SGTA: variants seen among roughly 807,000 people sequenced by gnomAD.
The protein encoded by SGTA is small glutamine rich tetratricopeptide repeat co-chaperone alpha.
Under a neutral mutation model 44.3 loss-of-function variants are expected in SGTA, and 22 were observed. That is an observed-to-expected ratio of 0.50 (90% CI 0.36 to 0.71). The LOEUF (loss-of-function observed/expected upper bound fraction) is 0.71, where lower values mean the gene tolerates loss of function less well. SGTA is among the 30% of genes least tolerant of loss of function. The probability of loss-of-function intolerance (pLI) is 0.00; values close to 1 mark genes in which losing one functional copy is unlikely to be tolerated. For missense variants in SGTA, 341 were observed against 435.9 expected, an observed-to-expected ratio of 0.78 and a Z score of 1.94; for synonymous variants, 174 against 177.6, an observed-to-expected ratio of 0.98 and a Z score of 0.16.
rs114095572 is a variant in SGTA, at chr19:2,758,545, G to C, written c.737+712C>G. Among the ~76,000 whole-genome samples the C allele has an allele frequency of 8.0e-3, 1,208 of 151,386 alleles. 16 individuals are homozygous for C. Among genetic ancestry groups the C allele is most frequent in the African/African-American group, 0.028 (1,147 of 41,266 alleles). On this transcript the variant is annotated intron_variant, in intron 9 of 11. Transcript: ENST00000221566. ...AAAAAAAAAAGGAGAAAGAAAAAAA[G>C]ATTTCACCATGAAAACAGGTGAGCA...
At chr19:2,768,915 C>T (rs1042429659) in intron 2 of SGTA, 54 bp downstream of exon 2, 6 of 1,339,062 alleles carry the variant, frequency 4.5e-6, no homozygotes, top group African/African-American at 2.9e-5. Flanking sequence ...CTACACGAGG[C>T]GACTGTGCTG....
Position 2,755,492 on chromosome 19 carries a change from G to C in SGTA, c.*448C>G, listed in dbSNP as rs552751101. 1 of 987,146 alleles carries C rather than the reference G, an allele frequency of 1.0e-6. No individual in the cohort carries two copies. Among genetic ancestry groups the C allele is most frequent in the Non-Finnish European group, 1.2e-6 (1 of 830,112 alleles). 61.1% of individuals were successfully genotyped at this position (987,146 alleles called of 1,614,324 possible). Reference sequence around the variant, plus strand: ...GCCGGGGTGGCCGGGAGGTCGACTCGGAAAGAGGCTTCTCACAGACGGGAG... The same window carrying C: ...GCCGGGGTGGCCGGGAGGTCGACTCCGAAAGAGGCTTCTCACAGACGGGAG... On this transcript the variant is annotated 3_prime_UTR_variant, in exon 12 of 12. Transcript: ENST00000221566. The surrounding 1 kb of genome is among the most constrained non-coding windows in gnomAD (Gnocchi z 5.2).
intron 1 of SGTA, among the ~76,000 whole-genome samples, chr19:2,774,483 T>A (rs756425959): frequency 4.6e-5 from 7 of 152,144 alleles, no homozygotes; most frequent in Non-Finnish European, 1.0e-4. Context: ...TCTATGCAAA[T>A]GTCCATTTTA....
At chr19:2,756,184 G>A (rs767111590) in intron 11 of SGTA, among the ~76,000 whole-genome samples, 7 of 151,800 alleles carry the variant, frequency 4.6e-5, no homozygotes, top group Non-Finnish European at 7.4e-5. Flanking sequence ...ATGAGGTTAC[G>A]GTGGTAAAAA....
chr19:2,775,685 G>C (rs1915430399), intron 1 of SGTA, among the ~76,000 whole-genome samples: 1 of 152,200 alleles, frequency 6.6e-6, no homozygotes, highest in Non-Finnish European at 1.5e-5. Context: ...CTTGGGGAGG[G>C]GAAGGGGAGT....
At chr19:2,782,805 G>C (rs1915601607) in intron 1 of SGTA, 1 of 152,176 alleles carries the variant, frequency 6.6e-6, no homozygotes, top group Admixed American at 6.5e-5. Context: ...AAGCCAAGAG[G>C]CTGGGCAAGG....
In SGTA at chr19:2,767,330, G is replaced by A. The variant is rs959046899; in HGVS notation, c.208-110C>T. The A allele has an allele frequency of 4.8e-5, 42 of 874,004 alleles. No individual in the cohort carries two copies. Among genetic ancestry groups the A allele is most frequent in the South Asian group, 9.6e-5 (6 of 62,688 alleles). The allele number at this position is 874,004 out of a possible 1,614,324, so 54.1% of individuals were successfully genotyped here. On this transcript the variant is annotated intron_variant, in intron 3 of 11. Coordinates refer to ENST00000221566, the MANE Select transcript of SGTA (RefSeq NM_003021.4). The surrounding 1 kb of genome is among the most constrained non-coding windows in gnomAD (Gnocchi z 7.3). ...AGGGCCACCAAGTTCCGAAGGACCC[G>A]GGGGCTCTGCAGGGGACTCCTGGCC...
chr19:2,771,447 G>A (rs887699218), intron 1 of SGTA, among the ~76,000 whole-genome samples: 15 of 151,962 alleles, frequency 9.9e-5, no homozygotes, highest in African/African-American at 3.4e-4. Context: ...ATGATTCCTC[G>A]TGGTGAGTCT....
intron 1 of SGTA, among the ~76,000 whole-genome samples, chr19:2,778,497 G>C (rs1357911834): frequency 1.3e-5 from 2 of 149,660 alleles, no homozygotes; most frequent in East Asian, 4.1e-4. Flanking sequence ...CTGGAACACC[G>C]CCCCCCCCGG....
At position 2,768,349 on chromosome 19, in the gene SGTA, T is replaced by C. The variant is rs563128793; in HGVS notation, c.100+620A>G. Among the ~76,000 whole-genome samples the C allele has an allele frequency of 4.6e-5, 7 of 152,276 alleles. No homozygotes were observed. In the South Asian group the frequency reaches 1.2e-3, roughly 27 times the overall value. On this transcript the variant is annotated intron_variant, in intron 2 of 11. Transcript: ENST00000221566. ...GTGTCAAGGACCCCGGGCACATCCC[T>C]ACAGCTGTCACTGGGTGTCCATGCT...
At chr19:2,775,181 ACT>A (rs1915416854) in intron 1 of SGTA, among the ~76,000 whole-genome samples, 1 of 152,194 alleles carries the variant, frequency 6.6e-6, no homozygotes, top group Non-Finnish European at 1.5e-5. Context: ...GGAGGTGTTC[ACT>A]CAAGGCCACT....
rs1568310117 is a variant in SGTA at position 2,767,182 on chromosome 19, C to CGG, written c.244_245dup (p.Pro83ArgfsTer21). 6.2e-7 allele frequency: 1 copy of CGG among 1,612,678 alleles called. No homozygotes were observed. The highest frequency in any genetic ancestry group is 1.3e-5 in the African/African-American group (1 of 75,014). On this transcript the variant is annotated frameshift_variant, in exon 4 of 12. Coordinates refer to ENST00000221566, the MANE Select transcript of SGTA (RefSeq NM_003021.4). LOFTEE classifies it high-confidence loss of function. This position sits in a 1 kb window ranked among gnomAD's most constrained non-coding sequence, Gnocchi z 7.3. Reference sequence around the variant, plus strand: ...CCTCTGCTGAGTCCTCCTCGGAAGGCGGGGTTCGCGCGGGGCTCCTCAGGT... The same window carrying CGG: ...CCTCTGCTGAGTCCTCCTCGGAAGGCGGGGGGTTCGCGCGGGGCTCCTCAGGT...
chr19:2,762,164 G>A (rs1452022391), intron 7 of SGTA, among the ~76,000 whole-genome samples: 2 of 152,130 alleles, frequency 1.3e-5, no homozygotes, highest in African/African-American at 2.4e-5. Flanking sequence ...GCAACCAGGG[G>A]CAGCCCCCAG....
rs542898439 is a variant in SGTA at position 2,761,963 on chromosome 19, T to C, written c.637-441A>G. On this transcript the variant is annotated intron_variant, in intron 7 of 11. Coordinates refer to ENST00000221566, the MANE Select transcript of SGTA (RefSeq NM_003021.4). This position sits in a 1 kb window ranked among gnomAD's most constrained non-coding sequence, Gnocchi z 5.7. ...TCCTGTATTCTGCCGCTTTGACACC[T>C]TGGGGCCTTGCTGGCCTGGCAGAGC... 6.6e-6 allele frequency among the ~76,000 whole-genome samples: 1 copy of C among 152,182 alleles called. No individual in the cohort carries two copies. Among genetic ancestry groups the C allele is most frequent in the Non-Finnish European group, 1.5e-5 (1 of 68,020 alleles).
At position 2,757,351 on chromosome 19, in the gene SGTA, G is replaced by A. The variant is rs776255531; in HGVS notation, c.934C>T (p.Gln312Ter). Residue 312 changes from glutamine (Q) to a stop codon, truncating the protein, a stop_gained, in exon 11 of 12, where the codon CAG (glutamine) becomes TAG (stop). Coordinates refer to ENST00000221566, the MANE Select transcript of SGTA (RefSeq NM_003021.4). LOFTEE classifies it high-confidence loss of function. The part of the protein sequence containing the change: ...RTPSASNDDQ[Q>*]E ...CATGCACTCACGCAGCGTCACTCCTGCTGGTCGTCGTTGCTGGCGCTGGGC... is the reference window on the plus strand; with the variant it reads ...CATGCACTCACGCAGCGTCACTCCTACTGGTCGTCGTTGCTGGCGCTGGGC... 6.2e-7 allele frequency: 1 copy of A among 1,602,504 alleles called. No homozygotes were observed. The highest frequency in any genetic ancestry group is 8.5e-7 in the Non-Finnish European group (1 of 1,179,850).
intron 1 of SGTA, among the ~76,000 whole-genome samples, chr19:2,777,309 C>T (rs1915465072): frequency 6.6e-6 from 1 of 150,850 alleles, no homozygotes; most frequent in South Asian, 2.1e-4. Flanking sequence ...AGCAGCACTT[C>T]GGGAGGCCAA....
intron 1 of SGTA, chr19:2,770,801 A>T (rs1284269097): frequency 6.5e-6 from 1 of 153,288 alleles, no homozygotes; most frequent in Non-Finnish European, 1.5e-5. Context: ...GCTGGCCCCC[A>T]GCAGCTGGAA....
intron 4 of SGTA, among the ~76,000 whole-genome samples, chr19:2,766,077 G>A (rs771747511): frequency 1.6e-4 from 25 of 152,172 alleles, no homozygotes; most frequent in African/African-American, 4.3e-4. Context: ...TTAGCCGGGC[G>A]TGGTGGTAGG....
In SGTA at chr19:2,765,075, A is replaced by C; in HGVS notation, c.392+111T>G. 1.7e-5 allele frequency: 12 copies of C among 710,012 alleles called. No homozygotes were observed. The highest frequency in any genetic ancestry group is 3.0e-5 in the Non-Finnish European group (12 of 400,428). 44.0% of individuals were successfully genotyped at this position (710,012 alleles called of 1,614,324 possible). On this transcript the variant is annotated intron_variant, in intron 5 of 11. Transcript: ENST00000221566. This position sits in a 1 kb window ranked among gnomAD's most constrained non-coding sequence, Gnocchi z 5.5. ...CTGGTCTGAGACCACCGGTGAATGG[A>C]TCCCTCATCTACAGCGCAGAGGCCT...
Sources: gnomAD v4.1 joint callset for allele counts (sites outside exome capture counted in the v4.1 genomes callset) on GRCh38, gnomAD v4.1.1 for gene constraint, Gnocchi (gnomAD v3.1) non-coding constraint, MANE v1.5 for transcripts, NCBI Gene and HGNC (gene_info 2026-07-23, HGNC 2026-07-21) for gene names.